Variants in ACSS3 observed in about 807,000 individuals in gnomAD.
ACSS3 encodes the protein acyl-CoA synthetase short chain family member 3.
A neutral mutation model predicts 84.2 loss-of-function variants in ACSS3; 64 were observed. That is an observed-to-expected ratio of 0.76 (90% CI 0.62 to 0.94). The LOEUF (loss-of-function observed/expected upper bound fraction) is 0.94, where lower values mean the gene tolerates loss of function less well. ACSS3 is among the 40% of genes least tolerant of loss of function. The probability of loss-of-function intolerance (pLI) is 0.00; values close to 1 mark genes in which losing one functional copy is unlikely to be tolerated. For synonymous variants in ACSS3, 317 were observed against 310.1 expected, an observed-to-expected ratio of 1.02 and a Z score of -0.23; for missense variants, 815 against 867.6, an observed-to-expected ratio of 0.94 and a Z score of 0.76.
In ACSS3 at chr12:81,194,358, G is replaced by A. The variant is rs146385020; in HGVS notation, c.1251-4983G>A. ...TATGTTCCTTAGTATTATACAATTA[G>A]CAGTCTGTAATTGATAAAATAACAA... On this transcript the variant is annotated intron_variant, in intron 8 of 15. Transcript: ENST00000548058. Among the ~76,000 whole-genome samples, 418 of 151,642 alleles carry A rather than the reference G, an allele frequency of 2.8e-3. 2 individuals are homozygous for A. Among genetic ancestry groups the A allele is most frequent in the Middle Eastern group, 6.9e-3 (2 of 288 alleles).
rs573114742 is a variant in ACSS3, at chr12:81,149,461, C to CA, written c.922-2380dup. 1.9e-3 allele frequency among the ~76,000 whole-genome samples: 286 copies of CA among 152,242 alleles called. 3 individuals are homozygous for CA. The highest frequency in any genetic ancestry group is 6.6e-3 in the African/African-American group (276 of 41,560). Reference sequence around the variant, plus strand: ...GTAACCTTCGTGTTTTTTATACTTTCAAACCTCTTACAAAACGTGAACCTG... The same window carrying CA: ...GTAACCTTCGTGTTTTTTATACTTTCAAAACCTCTTACAAAACGTGAACCTG... On this transcript the variant is annotated intron_variant, in intron 5 of 15. Transcript: ENST00000548058.
intron 2 of ACSS3, among the ~76,000 whole-genome samples, chr12:81,128,413 A>G (rs1319833021): frequency 1.3e-5 from 2 of 152,030 alleles, no homozygotes; most frequent in African/African-American, 4.8e-5. Flanking sequence ...ACATTTTTTC[A>G]TTTCCTCTAG....
At position 81,254,870 on chromosome 12, in the gene ACSS3, T is replaced by C. The variant is rs2034256068; in HGVS notation, c.2009T>C (p.Ile670Thr). 12 of 1,608,886 alleles carry C rather than the reference T, an allele frequency of 7.5e-6. No homozygotes were observed. Among genetic ancestry groups the C allele is most frequent in the East Asian group, 2.2e-5 (1 of 44,590 alleles). The change falls in exon 16 of 16, where the codon ATT becomes ACT. Residue 670 changes from isoleucine to threonine, a missense_variant. Physicochemically the swap from Ile to Thr is moderately conservative, Grantham distance 89. Coordinates refer to ENST00000548058, the MANE Select transcript of ACSS3 (RefSeq NM_024560.4). Reference sequence around the variant, plus strand: ...TTTTTTTTCCAGATAACTTCTACAATTGAAGACCCCAGCATTTTTGGCCAC... The same window carrying C: ...TTTTTTTTCCAGATAACTTCTACAACTGAAGACCCCAGCATTTTTGGCCAC... ...NGKPYKITST[I>T]EDPSIFGHVE...
intron 2 of ACSS3, among the ~76,000 whole-genome samples, chr12:81,118,324 A>T (rs1884233386): frequency 1.3e-5 from 2 of 152,212 alleles, no homozygotes; most frequent in African/African-American, 4.8e-5. Context: ...ACCCAAGATT[A>T]TGAAGTCTTA....
chr12:81,109,627 G>A lies in ACSS3; in HGVS notation c.379G>A (p.Asp127Asn), dbSNP rs1310073531. ...TCGTCATATTGAAAATGGTAAAGGGGATAAGATTGCTATCATCTATGACAG... is the reference window on the plus strand; with the variant it reads ...TCGTCATATTGAAAATGGTAAAGGGAATAAGATTGCTATCATCTATGACAG... Reference protein sequence around the residue: ...VDRHIENGKGDKIAIIYDSPV... With the variant: ...VDRHIENGKGNKIAIIYDSPV... Residue 127 changes from aspartate (D) to asparagine (N), a missense_variant, in exon 2 of 16, where the codon GAT (aspartate) becomes AAT (asparagine). By Grantham distance (23) the Asp-to-Asn change is conservative (BLOSUM62 1). Transcript: ENST00000548058. The A allele has an allele frequency of 6.2e-7, 1 of 1,612,614 alleles. No homozygotes were observed. Among genetic ancestry groups the A allele is most frequent in the Non-Finnish European group, 8.5e-7 (1 of 1,179,328 alleles).
At chr12:81,245,111 G>T (rs2033939767) in intron 13 of ACSS3, among the ~76,000 whole-genome samples, 1 of 152,162 alleles carries the variant, frequency 6.6e-6, no homozygotes, top group Admixed American at 6.5e-5. Context: ...GTTGTTTCAT[G>T]AACATGTATC....
At position 81,259,612 on chromosome 12, in the gene ACSS3, T is replaced by G. The variant is rs1443088357; in HGVS notation, c.*4690T>G. ...TTCACAAAGGTTTTCACTGCTCGTC[T>G]TCTTAGATGGTAGTGCACTTTAGGT... On this transcript the variant is annotated 3_prime_UTR_variant, in exon 16 of 16. Coordinates refer to ENST00000548058, the MANE Select transcript of ACSS3 (RefSeq NM_024560.4). 1.3e-6 allele frequency: 2 copies of G among 1,529,724 alleles called. No individual in the cohort carries two copies. The highest frequency in any genetic ancestry group is 2.0e-5 in the Admixed American group (1 of 50,902). The allele number at this position is 1,529,724 out of a possible 1,614,324, so 94.8% of individuals were successfully genotyped here.
chr12:81,219,842 C>G (rs906668427), intron 10 of ACSS3, among the ~76,000 whole-genome samples, 171 bp from the exon 11 acceptor site: 1 of 151,872 alleles, frequency 6.6e-6, no homozygotes, highest in Non-Finnish European at 1.5e-5. Context: ...GATACATGTG[C>G]TCTTTATTTT....
At chr12:81,189,143 T>C (rs1180168255) in intron 8 of ACSS3, among the ~76,000 whole-genome samples, 1 of 152,140 alleles carries the variant, frequency 6.6e-6, no homozygotes, top group Non-Finnish European at 1.5e-5. Flanking sequence ...TTGAATTCTT[T>C]TTTGATTGTT....
At chr12:81,078,026 ATT>A, upstream of ACSS3, 1 of 1,355,708 alleles carries the variant, frequency 7.4e-7, no homozygotes, top group Non-Finnish European at 9.7e-7. Flanking sequence ...TCACTTCGGA[ATT>A]TGCCCCCGCC....
In ACSS3 at chr12:81,103,025, C is replaced by T. The variant is rs770660624; in HGVS notation, c.312-6535C>T. Among the ~76,000 whole-genome samples the T allele has an allele frequency of 4.9e-4, 74 of 152,172 alleles. No individual in the cohort carries two copies. In the Middle Eastern group the frequency reaches 0.017, roughly 35 times the overall value. ...CTAATGTAATTAGAAAGCAGTGTGA[C>T]CAATATTTGTCTGCAGGAAACATCA... is the stretch of plus-strand genomic sequence containing the variant. On this transcript the variant is annotated intron_variant, in intron 1 of 15. Coordinates refer to ENST00000548058, the MANE Select transcript of ACSS3 (RefSeq NM_024560.4).
intron 1 of ACSS3, among the ~76,000 whole-genome samples, chr12:81,098,999 C>T (rs7958053): frequency 0.9 from 136,708 of 152,222 alleles, 62,617 homozygotes; most frequent in Non-Finnish European, 0.99. Flanking sequence ...GTCTCTGGTC[C>T]AATCAATAGA....
At chr12:81,116,672 G>C (rs1472453212) in intron 2 of ACSS3, among the ~76,000 whole-genome samples, 9 of 152,038 alleles carry the variant, frequency 5.9e-5, no homozygotes, top group African/African-American at 2.2e-4. Context: ...CTTGAGATAA[G>C]GGTAATATTT....
intron 7 of ACSS3, among the ~76,000 whole-genome samples, chr12:81,161,817 G>A (rs928790587): frequency 3.9e-5 from 5 of 129,006 alleles, no homozygotes; most frequent in South Asian, 2.4e-4. Flanking sequence ...GCATGCAAGC[G>A]TGGGGTCCAG....
chr12:81,159,413 A>T (rs1887040393), intron 7 of ACSS3, among the ~76,000 whole-genome samples: 1 of 152,170 alleles, frequency 6.6e-6, no homozygotes, highest in Non-Finnish European at 1.5e-5. Flanking sequence ...ATAGACAGAG[A>T]TTTACTTTTA....
intron 13 of ACSS3, among the ~76,000 whole-genome samples, chr12:81,245,418 C>T (rs113213683): frequency 0.02 from 3,059 of 152,220 alleles, 96 homozygotes; most frequent in African/African-American, 0.068. Flanking sequence ...GCTGAGATCG[C>T]GCCACTGCAC....
chr12:81,217,957 T>G (rs1355198555), intron 10 of ACSS3, among the ~76,000 whole-genome samples: 1 of 152,252 alleles, frequency 6.6e-6, no homozygotes, highest in Admixed American at 6.5e-5. Context: ...TGTCAATTTT[T>G]GTTTTTAAAT....
chr12:81,153,303 G>A (rs1886704680), intron 7 of ACSS3, among the ~76,000 whole-genome samples: 1 of 151,826 alleles, frequency 6.6e-6, no homozygotes. Context: ...AGCTACTCAG[G>A]AGGCTGAGGC....
At chr12:81,172,182 C>T (rs1004730273) in intron 7 of ACSS3, among the ~76,000 whole-genome samples, 1 of 141,794 alleles carries the variant, frequency 7.1e-6, no homozygotes, top group African/African-American at 2.6e-5. Flanking sequence ...AGGAGAATCC[C>T]TTGAATCCGG....
Sources: allele counts gnomAD v4.1 joint callset (sites outside exome capture counted in the v4.1 genomes callset), GRCh38; gene constraint gnomAD v4.1.1; transcripts MANE v1.5; gene names NCBI Gene and HGNC (gene_info 2026-07-23, HGNC 2026-07-21).